Variants in RNF216 observed in about 807,000 individuals in gnomAD.
RNF216 encodes the protein E3 ubiquitin-protein ligase RNF216.
RNF216 carries 72 observed loss-of-function variants against 110.8 expected under a neutral mutation model. That is an observed-to-expected ratio of 0.65 (90% CI 0.54 to 0.79). The LOEUF (loss-of-function observed/expected upper bound fraction) is 0.79. Among genes scored for constraint, RNF216 ranks in the 30% least tolerant of loss-of-function variants. The pLI, the probability that RNF216 is intolerant of heterozygous loss-of-function variation, is 0.00. For missense variants in RNF216, 1,342 were observed against 1,141.2 expected, an observed-to-expected ratio of 1.18 and a Z score of -2.54; for synonymous variants, 495 against 407.5, an observed-to-expected ratio of 1.21 and a Z score of -2.59.
At chr7:5,642,771 G>A (rs1037840705) in intron 14 of RNF216, among the ~76,000 whole-genome samples, 2 of 152,182 alleles carry the variant, frequency 1.3e-5, no homozygotes, top group Admixed American at 6.5e-5. Context: ...GAGCCACTGC[G>A]CCCAGCTAGA....
chr7:5,703,452 G>A (rs1015387201), intron 13 of RNF216, among the ~76,000 whole-genome samples: 1 of 152,198 alleles, frequency 6.6e-6, no homozygotes, highest in Non-Finnish European at 1.5e-5. Context: ...TTCTCTTCAC[G>A]CAGCCATGCA....
intron 11 of RNF216, among the ~76,000 whole-genome samples, chr7:5,713,608 T>A (rs573707572): frequency 1.3e-5 from 2 of 152,336 alleles, no homozygotes; most frequent in South Asian, 4.1e-4. Context: ...CTGGCTCCTA[T>A]GCACCTAGAG....
intron 13 of RNF216, among the ~76,000 whole-genome samples, chr7:5,656,190 A>G (rs1375825717): frequency 6.6e-6 from 1 of 152,006 alleles, no homozygotes; most frequent in Admixed American, 6.6e-5. Flanking sequence ...AATTGCTTGA[A>G]CCCAGGAGGT....
chr7:5,765,705 G>A (rs570638888), intron 1 of RNF216, among the ~76,000 whole-genome samples: 3 of 151,446 alleles, frequency 2.0e-5, no homozygotes, highest in Admixed American at 1.3e-4. Flanking sequence ...TACTTCGGGC[G>A]GCTGAGGCGG....
At chr7:5,728,288 C>G (rs1562436176) in intron 7 of RNF216, among the ~76,000 whole-genome samples, 1 of 151,110 alleles carries the variant, frequency 6.6e-6, no homozygotes, top group South Asian at 2.1e-4. Flanking sequence ...TTCTTTCAGT[C>G]TTTTTTTTTG....
chr7:5,719,375 C>CA (rs1419326593), intron 9 of RNF216, among the ~76,000 whole-genome samples: 2 of 151,872 alleles, frequency 1.3e-5, no homozygotes, highest in Non-Finnish European at 2.9e-5. Flanking sequence ...GCTCCTCTGT[C>CA]AAAAAAGAAA....
At chr7:5,708,575 A>G (rs1004516004) in intron 13 of RNF216, among the ~76,000 whole-genome samples, 2 of 152,248 alleles carry the variant, frequency 1.3e-5, no homozygotes, top group African/African-American at 4.8e-5. Context: ...TGAGATACTC[A>G]TACTTTATTC....
At chr7:5,660,289 T>C (rs1584397106) in intron 13 of RNF216, among the ~76,000 whole-genome samples, 1 of 85,760 alleles carries the variant, frequency 1.2e-5, no homozygotes, top group Non-Finnish European at 2.3e-5. Context: ...TTTTTTTTTT[T>C]TTTTTTTTTT....
intron 13 of RNF216, among the ~76,000 whole-genome samples, chr7:5,691,576 GT>G (rs1330382697): frequency 2.6e-5 from 4 of 152,182 alleles, no homozygotes; most frequent in African/African-American, 9.7e-5. Flanking sequence ...ATGTGTGTTA[GT>G]TTTAAGTCTA....
rs925699742 is a variant in RNF216 at position 5,620,852 on chromosome 7, G to A, written c.*2008C>T. 11 of 152,284 alleles carry A rather than the reference G, an allele frequency of 7.2e-5. No individual in the cohort carries two copies. Among genetic ancestry groups the A allele is most frequent in the African/African-American group, 2.7e-4 (11 of 41,460 alleles). 9.4% of individuals were successfully genotyped at this position (152,284 alleles called of 1,614,324 possible). On this transcript the variant is annotated 3_prime_UTR_variant, in exon 17 of 17. Coordinates refer to ENST00000389902, the MANE Select transcript of RNF216 (RefSeq NM_207111.4). ...AGGGCAGAGGGAGCTGAGGCTCCCA[G>A]GGCCTGAGGTCACCTCTTCAGCTGT...
Position 5,725,408 on chromosome 7 carries a change from C to G in RNF216, c.1420G>C (p.Glu474Gln), listed in dbSNP as rs1443251598. 6 of 1,613,302 alleles carry G rather than the reference C, an allele frequency of 3.7e-6. No individual in the cohort carries two copies. The highest frequency in any genetic ancestry group is 5.1e-6 in the Non-Finnish European group (6 of 1,179,258). ...ALSDAIKKWQ[E>Q]LSPETSGKRK... ...TTTCCACTGGTTTCTGGTGACAGCTCCTGCCATTTTTTAATGGCATCAGAC... is the reference window on the plus strand; with the variant it reads ...TTTCCACTGGTTTCTGGTGACAGCTGCTGCCATTTTTTAATGGCATCAGAC... Residue 474 changes from glutamate (E) to glutamine (Q), a missense_variant, in exon 8 of 17, where the codon GAG (glutamate) becomes CAG (glutamine). By Grantham distance (29) the Glu-to-Gln change is conservative. Transcript: ENST00000389902.
intron 1 of RNF216, among the ~76,000 whole-genome samples, chr7:5,780,718 A>AG (rs1438138793): frequency 3.3e-5 from 5 of 150,710 alleles, no homozygotes; most frequent in Non-Finnish European, 5.9e-5. Context: ...GAAAAGGAGA[A>AG]AAAAAAAAAA....
intron 7 of RNF216, among the ~76,000 whole-genome samples, 168 bp from the exon 8 acceptor site, chr7:5,725,606 T>C (rs1020260142): frequency 6.6e-6 from 1 of 152,170 alleles, no homozygotes; most frequent in African/African-American, 2.4e-5. Context: ...ATCCCAACAC[T>C]TTGGGAGGCC....
intron 1 of RNF216, among the ~76,000 whole-genome samples, chr7:5,761,730 G>A (rs1277764502): frequency 6.6e-6 from 1 of 151,674 alleles, no homozygotes; most frequent in Non-Finnish European, 1.5e-5. Context: ...AAGTTGCAGT[G>A]AGCCAAGATC....
chr7:5,725,147 T>G (rs776201406), intron 8 of RNF216, among the ~76,000 whole-genome samples, 177 bp downstream of exon 8: 1 of 152,204 alleles, frequency 6.6e-6, no homozygotes, highest in East Asian at 1.9e-4. Context: ...AGCCAACAAG[T>G]GCAGCCACTT....
At chr7:5,753,461 T>C (rs1795439294) in intron 2 of RNF216, among the ~76,000 whole-genome samples, 2 of 152,252 alleles carry the variant, frequency 1.3e-5, no homozygotes, top group African/African-American at 4.8e-5. Context: ...AGCAAACCTA[T>C]GTCAATGCTT....
At chr7:5,660,102 G>C (rs1227664357) in intron 13 of RNF216, among the ~76,000 whole-genome samples, 1 of 150,824 alleles carries the variant, frequency 6.6e-6, no homozygotes, top group Non-Finnish European at 1.5e-5. Flanking sequence ...CTATGAACAC[G>C]TGCCACCACA....
At position 5,641,198 on chromosome 7, in the gene RNF216, G is replaced by A. The variant is rs1028540252; in HGVS notation, c.2338C>T (p.Pro780Ser). 8.1e-6 allele frequency: 13 copies of A among 1,614,020 alleles called. No individual in the cohort carries two copies. Among genetic ancestry groups the A allele is most frequent in the Non-Finnish European group, 9.3e-6 (11 of 1,180,052 alleles). ...FCQHPRSPGAPCQECSRCSLW... is the reference protein window; with the variant it reads ...FCQHPRSPGASCQECSRCSLW... Reference sequence around the variant, plus strand: ...GAGCATCTTGAACACTCCTGGCAAGGGGCTCCTGGTGAGCGGGGATGTTGG... The same window carrying A: ...GAGCATCTTGAACACTCCTGGCAAGAGGCTCCTGGTGAGCGGGGATGTTGG... The change falls in exon 15 of 17, where the codon CCT (proline) becomes TCT (serine). Residue 780 changes from proline (P) to serine (S), a missense_variant. Coordinates refer to ENST00000389902, the MANE Select transcript of RNF216 (RefSeq NM_207111.4).
chr7:5,676,724 C>T (rs1220127439), intron 13 of RNF216, among the ~76,000 whole-genome samples: 4 of 152,190 alleles, frequency 2.6e-5, no homozygotes, highest in Non-Finnish European at 4.4e-5. Context: ...ATGGCATTTC[C>T]GGCCTAACAA....
Sources: gnomAD v4.1 joint callset for allele counts (sites outside exome capture counted in the v4.1 genomes callset) on GRCh38, gnomAD v4.1.1 for gene constraint, MANE v1.5 for transcripts, NCBI Gene and HGNC (gene_info 2026-07-23, HGNC 2026-07-21) for gene names.